Variants in CTBP2 observed in about 807,000 individuals in gnomAD.
The protein encoded by CTBP2 is C-terminal binding protein 2.
In CTBP2, 30 loss-of-function variants were observed where a neutral mutation model predicts 80.3. The ratio of observed to expected loss-of-function variants is 0.37; its 90% CI spans 0.28 to 0.51. The LOEUF (loss-of-function observed/expected upper bound fraction) is 0.51. Ranked by LOEUF, CTBP2 falls within the 20% of genes least tolerant of loss-of-function variation. The pLI is 0.93. For synonymous variants in CTBP2, 594 were observed against 587.4 expected, an observed-to-expected ratio of 1.01 and a Z score of -0.16; for missense variants, 1,212 against 1,375.3, an observed-to-expected ratio of 0.88 and a Z score of 1.88.
chr10:125,148,570 T>C (rs72833017), intron 1 of CTBP2, among the ~76,000 whole-genome samples: 9,059 of 152,316 alleles, frequency 0.059, 405 homozygotes, highest in Middle Eastern at 0.11. Context: ...CTCTCGGGCC[T>C]GACTGGGACA....
intron 3 of CTBP2, among the ~76,000 whole-genome samples, chr10:125,037,445 A>C (rs993521036): frequency 6.6e-6 from 1 of 152,198 alleles, no homozygotes; most frequent in Non-Finnish European, 1.5e-5. Context: ...CAGTAACCTC[A>C]ATCAAGCACC....
At chr10:125,113,132 G>A (rs1220067295) in intron 1 of CTBP2, among the ~76,000 whole-genome samples, 1 of 152,212 alleles carries the variant, frequency 6.6e-6, no homozygotes, top group African/African-American at 2.4e-5. Context: ...ACCTCTTAAG[G>A]AAGTAGATGG....
intron 2 of CTBP2, among the ~76,000 whole-genome samples, chr10:125,052,089 A>G (rs760851195): frequency 1.3e-5 from 2 of 152,150 alleles, no homozygotes; most frequent in Non-Finnish European, 2.9e-5. Flanking sequence ...ACGCCAACAC[A>G]TGCCAACAGA....
chr10:125,055,625 C>A (rs931775492), intron 2 of CTBP2, among the ~76,000 whole-genome samples: 1 of 152,140 alleles, frequency 6.6e-6, no homozygotes, highest in Non-Finnish European at 1.5e-5. Context: ...AACACGGCTA[C>A]GTCTCACAAA....
chr10:125,106,826 G>A (rs546735012), intron 2 of CTBP2, among the ~76,000 whole-genome samples: 2 of 152,378 alleles, frequency 1.3e-5, no homozygotes, highest in East Asian at 1.9e-4. Flanking sequence ...CCAGCAGCCA[G>A]GGTGGCGCAG....
intron 2 of CTBP2, among the ~76,000 whole-genome samples, chr10:125,109,321 T>C (rs540448982): frequency 7.9e-5 from 12 of 152,322 alleles, no homozygotes; most frequent in East Asian, 7.7e-4. Context: ...GCCAGTTCCA[T>C]GGTGTCCAAC....
At chr10:125,064,511 G>A (rs542790586) in intron 2 of CTBP2, among the ~76,000 whole-genome samples, 14 of 152,264 alleles carry the variant, frequency 9.2e-5, no homozygotes, top group Middle Eastern at 6.8e-3. Flanking sequence ...CTCAAGGGAA[G>A]AGAGCCCCAA....
intron 2 of CTBP2, among the ~76,000 whole-genome samples, chr10:125,048,303 T>A (rs1961771074): frequency 6.6e-6 from 1 of 152,096 alleles, no homozygotes; most frequent in South Asian, 2.1e-4. Context: ...GAGACAGCCA[T>A]GAGCCACCAT....
At chr10:125,094,374 G>T (rs185451662) in intron 2 of CTBP2, among the ~76,000 whole-genome samples, 4 of 152,198 alleles carry the variant, frequency 2.6e-5, no homozygotes, top group Non-Finnish European at 4.4e-5. Flanking sequence ...ACGGCTCAGA[G>T]CAGGGCCCTT....
chr10:125,127,649 G>A (rs1855495629), intron 1 of CTBP2, among the ~76,000 whole-genome samples: 1 of 152,122 alleles, frequency 6.6e-6, no homozygotes, highest in Non-Finnish European at 1.5e-5. Context: ...TCAAGCACAA[G>A]AAGCAGTTGT....
At chr10:125,056,958 T>A (rs1964060027) in intron 2 of CTBP2, among the ~76,000 whole-genome samples, 1 of 152,184 alleles carries the variant, frequency 6.6e-6, no homozygotes, top group African/African-American at 2.4e-5. Flanking sequence ...GCTTTCTCCA[T>A]CACACCTTCC....
At chr10:125,014,720 C>A (rs149530029) in intron 1 of CTBP2, among the ~76,000 whole-genome samples, 28 of 152,342 alleles carry the variant, frequency 1.8e-4, no homozygotes, top group Non-Finnish European at 3.1e-4. Flanking sequence ...GAAGGAAGCA[C>A]TTCCCCTAAA....
rs59512017 is a variant in CTBP2 at position 125,040,599 on chromosome 10, T to TACACACACACACACACAC, written c.-101-1462_-101-1445dup. ...TTTTAAGACCACCACCACAACCACATACACACACACACACACACACACACA... is the reference window on the plus strand; with the variant it reads ...TTTTAAGACCACCACCACAACCACATACACACACACACACACACACACACACACACACACACACACACA... On this transcript the variant is annotated intron_variant, in intron 2 of 10. Transcript: ENST00000337195. Among the ~76,000 whole-genome samples, 963 of 146,058 alleles carry TACACACACACACACACAC rather than the reference T, an allele frequency of 6.6e-3. 14 individuals are homozygous for TACACACACACACACACAC. Among genetic ancestry groups the TACACACACACACACACAC allele is most frequent in the African/African-American group, 0.023 (893 of 39,008 alleles).
At chr10:125,092,730 T>C (rs544838330) in intron 2 of CTBP2, among the ~76,000 whole-genome samples, 1 of 152,300 alleles carries the variant, frequency 6.6e-6, no homozygotes, top group East Asian at 1.9e-4. Flanking sequence ...GTGTCCTGTC[T>C]CTGGATAAGC....
At chr10:125,041,890 T>C (rs116678722) in intron 2 of CTBP2, among the ~76,000 whole-genome samples, 1,510 of 150,236 alleles carry the variant, frequency 0.01, 19 homozygotes, top group African/African-American at 0.034. Flanking sequence ...AAAGGAAAGA[T>C]CAGCCATCAG....
chr10:125,151,940 TCTCACACCTCTCAACGACTTCCC>T (rs1859995192), intron 1 of CTBP2, among the ~76,000 whole-genome samples: 1 of 151,990 alleles, frequency 6.6e-6, no homozygotes, highest in African/African-American at 2.4e-5. Flanking sequence ...CAGGGCCCAT[TCTCACACCTCTCAACGACTTCCC>T]CGCGGCGGGA....
chr10:125,143,872 C>A (rs1358590369), intron 1 of CTBP2, among the ~76,000 whole-genome samples: 1 of 152,186 alleles, frequency 6.6e-6, no homozygotes, highest in African/African-American at 2.4e-5. Flanking sequence ...AAGACTATCA[C>A]TTTCCATATT....
chr10:125,101,327 G>A (rs1850585308), intron 2 of CTBP2, among the ~76,000 whole-genome samples: 1 of 152,206 alleles, frequency 6.6e-6, no homozygotes, highest in African/African-American at 2.4e-5. Flanking sequence ...CACACTTAAT[G>A]TTCAGGCAAA....
Position 125,027,815 on chromosome 10 carries a change from C to A in CTBP2, c.-56G>T. On this transcript the variant is annotated 5_prime_UTR_variant, in exon 1 of 9. Transcript: ENST00000309035. ...GGAGAAGCTTTTCTTTATAAATCTT[C>A]AATTACATACATCAAAAACAGACCT... is the stretch of plus-strand genomic sequence containing the variant. 1 of 1,455,680 alleles carries A rather than the reference C, an allele frequency of 6.9e-7. No homozygotes were observed. Among genetic ancestry groups the A allele is most frequent in the Non-Finnish European group, 9.0e-7 (1 of 1,106,930 alleles). The allele number at this position is 1,455,680 out of a possible 1,614,324, so 90.2% of individuals were successfully genotyped here. A position where few individuals can be genotyped will look rare whatever the true frequency, so the allele number is the denominator to read the frequency against.
Sources: allele counts gnomAD v4.1 joint callset (sites outside exome capture counted in the v4.1 genomes callset), GRCh38; gene constraint gnomAD v4.1.1; transcripts MANE v1.5; gene names NCBI Gene and HGNC (gene_info 2026-07-23, HGNC 2026-07-21).